ASB4: variants seen among roughly 807,000 people sequenced by gnomAD.
ASB4 encodes the protein ankyrin repeat and SOCS box protein 4.
A neutral mutation model predicts 38.6 loss-of-function variants in ASB4; 35 were observed. The observed-to-expected ratio is 0.91, with a 90% confidence interval of 0.69 to 1.20. The LOEUF (loss-of-function observed/expected upper bound fraction) is 1.20, where lower values mean the gene tolerates loss of function less well. Among genes scored for constraint, ASB4 ranks in the 50% most tolerant of loss-of-function variants. ASB4 has a pLI of 0.00. For synonymous variants in ASB4, 195 were observed against 201.3 expected (o/e 0.97, Z 0.26); for missense variants, 557 against 527.2 (o/e 1.06, Z -0.55).
At chr7:95,505,697 C>A (rs77594808) in intron 2 of ASB4, among the ~76,000 whole-genome samples, 13,694 of 141,864 alleles carry the variant, frequency 0.097, 787 homozygotes, top group South Asian at 0.13. Flanking sequence ...CCCCCCCCCC[C>A]CAAATACTTA....
chr7:95,524,533 G>A (rs1014557356), intron 2 of ASB4, among the ~76,000 whole-genome samples: 15 of 152,066 alleles, frequency 9.9e-5, no homozygotes, highest in African/African-American at 3.6e-4. Flanking sequence ...TATATACTAT[G>A]TAACGTATGT....
chr7:95,474,338 T>A (rs576525022), upstream of ASB4, among the ~76,000 whole-genome samples: 5 of 152,328 alleles, frequency 3.3e-5, no homozygotes, highest in East Asian at 9.6e-4. Context: ...CAGTTGATAA[T>A]AACTTGTGTG....
rs944695797 is a variant in ASB4 at position 95,515,646 on chromosome 7, C to T, written c.488-12167C>T. Among the ~76,000 whole-genome samples the T allele has an allele frequency of 2.0e-4, 30 of 152,264 alleles. No individual in the cohort carries two copies. In the Middle Eastern group the frequency reaches 0.01, roughly 52 times the overall value. ...GACCAGGATGGTCTCAATCTCTTGA[C>T]CTTGTGATCCCCCCGACCTTGGCCT... On this transcript the variant is annotated intron_variant, in intron 2 of 4. Transcript: ENST00000325885.
Position 95,495,767 on chromosome 7 carries a change from T to C in ASB4, c.197T>C (p.Leu66Ser), listed in dbSNP as rs1332407007. 1 of 1,595,406 alleles carries C rather than the reference T, an allele frequency of 6.3e-7. No individual in the cohort carries two copies. Among genetic ancestry groups the C allele is most frequent in the Non-Finnish European group, 8.6e-7 (1 of 1,169,434 alleles). ...TTTTTTTTTTTTTCAGGTTACTGGT[T>C]GCCTAGCTATAAATTGAAGTCTTCC... The part of the protein sequence containing the change: ...VLASYKQGYW[L>S]PSYKLKSSWA... The change falls in exon 2 of 5, where the codon TTG becomes TCG. Residue 66 changes from leucine (L) to serine (S), a missense_variant. Leu to Ser is a moderately radical substitution (Grantham distance 145). Transcript: ENST00000325885.
At chr7:95,476,640 G>T (rs1174874552), upstream of ASB4, among the ~76,000 whole-genome samples, 1 of 152,150 alleles carries the variant, frequency 6.6e-6, no homozygotes, top group African/African-American at 2.4e-5. Context: ...TCCATCTGTG[G>T]CTTCACGCCT....
At chr7:95,510,900 C>T (rs541966721) in intron 2 of ASB4, among the ~76,000 whole-genome samples, 23 of 152,268 alleles carry the variant, frequency 1.5e-4, no homozygotes, top group African/African-American at 4.3e-4. Flanking sequence ...TCTATCAGCA[C>T]TTTAATTTGT....
In ASB4 at chr7:95,527,810, TA is replaced by T. The variant is rs780619895; in HGVS notation, c.488-2del. Reference sequence around the variant, plus strand: ...AATTGTCTTCCTCAATTTCCCTTTATAGGGGCGAATGTGAACATGAAGACCA... The same window carrying T: ...AATTGTCTTCCTCAATTTCCCTTTATGGGGCGAATGTGAACATGAAGACCA... On this transcript the variant is annotated splice_acceptor_variant, in intron 2 of 4. Coordinates refer to ENST00000325885, the MANE Select transcript of ASB4 (RefSeq NM_016116.3). LOFTEE classifies it high-confidence loss of function. 1.3e-6 allele frequency: 2 copies of T among 1,590,450 alleles called. No homozygotes were observed. The highest frequency in any genetic ancestry group is 1.7e-6 in the Non-Finnish European group (2 of 1,162,680).
chr7:95,516,340 G>T (rs940279924), intron 2 of ASB4, among the ~76,000 whole-genome samples: 1 of 152,058 alleles, frequency 6.6e-6, no homozygotes, highest in Admixed American at 6.6e-5. Flanking sequence ...TTAATCAATG[G>T]TTTTTTGGAA....
At chr7:95,518,376 TA>T (rs1790614949) in intron 2 of ASB4, among the ~76,000 whole-genome samples, 1 of 152,202 alleles carries the variant, frequency 6.6e-6, no homozygotes. Flanking sequence ...AAGCCTCAGG[TA>T]GAGATGGCGA....
At position 95,539,336 on chromosome 7, in the gene ASB4, G is replaced by A. The variant is rs1790939570; in HGVS notation, c.*1577G>A. 2 of 152,182 alleles carry A rather than the reference G, an allele frequency of 1.3e-5. No homozygotes were observed. Among genetic ancestry groups the A allele is most frequent in the Admixed American group, 6.5e-5 (1 of 15,278 alleles). The allele number at this position is 152,182 out of a possible 1,614,324, so 9.4% of individuals were successfully genotyped here. On this transcript the variant is annotated 3_prime_UTR_variant, in exon 5 of 5. Transcript: ENST00000325885. ...AGTTGAGACTGTGCTTCTGAACTGG[G>A]ATTGTCTTACTCCCAGGGCTGTGTA...
At chr7:95,485,749 T>C (rs1790079669), upstream of ASB4, among the ~76,000 whole-genome samples, 1 of 152,198 alleles carries the variant, frequency 6.6e-6, no homozygotes, top group Non-Finnish European at 1.5e-5. Flanking sequence ...TATATATTAC[T>C]GAATGGATCA....
At chr7:95,503,965 C>T (rs1208274428) in intron 2 of ASB4, among the ~76,000 whole-genome samples, 1 of 152,168 alleles carries the variant, frequency 6.6e-6, no homozygotes, top group Non-Finnish European at 1.5e-5. Flanking sequence ...TGCCTTTCTA[C>T]TTAATGCCCC....
chr7:95,489,103 A>G (rs150860266), intron 1 of ASB4, among the ~76,000 whole-genome samples: 3 of 152,350 alleles, frequency 2.0e-5, no homozygotes, highest in African/African-American at 7.2e-5. Flanking sequence ...ATCTAAGCCT[A>G]TATGAAAGTC....
chr7:95,485,620 G>C (rs1363766310), upstream of ASB4, among the ~76,000 whole-genome samples: 1 of 151,882 alleles, frequency 6.6e-6, no homozygotes, highest in African/African-American at 2.4e-5. Flanking sequence ...TTTTATTGAG[G>C]GGAAAAAAAG....
chr7:95,495,813 C>G lies in ASB4; in HGVS notation c.243C>G (p.Leu81=), dbSNP rs758073916. ...LKSSWATGLH[L]SVLFGHVECL... ...CTTCCTGGGCCACAGGCCTCCATCT[C>G]TCTGTCTTGTTTGGCCATGTGGAAT... Residue 81 remains leucine (L), a synonymous_variant, in exon 2 of 5, where the codon CTC becomes CTG. Coordinates refer to ENST00000325885, the MANE Select transcript of ASB4 (RefSeq NM_016116.3). 2.5e-6 allele frequency: 4 copies of G among 1,612,676 alleles called. No individual in the cohort carries two copies. The South Asian group carries it at 3.3e-5, about 13-fold the overall frequency.
chr7:95,546,631 T>C, the ASB4 span, among the ~76,000 whole-genome samples: 1 of 152,210 alleles, frequency 6.6e-6, no homozygotes, highest in Admixed American at 6.5e-5. Context: ...TTCTTCTCAG[T>C]ACAGTGTAAG....
Position 95,528,285 on chromosome 7 carries a change from C to A in ASB4, c.960C>A (p.Tyr320Ter), listed in dbSNP as rs1372572712. 6.2e-7 allele frequency: 1 copy of A among 1,614,136 alleles called. No homozygotes were observed. The highest frequency in any genetic ancestry group is 8.5e-7 in the Non-Finnish European group (1 of 1,180,026). ...LLLNHGAARIYPPQFHKVIQA... is the reference protein window; with the variant it reads ...LLLNHGAARI ...TGAACCATGGGGCTGCCCGAATATA[C>A]CCTCCACAGTTCCATAAGGTGAGGC... is the stretch of plus-strand genomic sequence containing the variant. The change falls in exon 3 of 5, where the codon TAC becomes TAA. Residue 320 changes from tyrosine to a stop codon, truncating the protein, a stop_gained. Transcript: ENST00000325885. LOFTEE classifies it high-confidence loss of function.
chr7:95,545,883 G>A, the ASB4 span, among the ~76,000 whole-genome samples: 1 of 152,184 alleles, frequency 6.6e-6, no homozygotes, highest in African/African-American at 2.4e-5. Flanking sequence ...TGCCATCTGA[G>A]TCACAGGTGT....
rs1349027415 is a variant in ASB4, at chr7:95,539,539, A to G, written c.*1780A>G. 6.5e-6 allele frequency: 1 copy of G among 152,958 alleles called. No individual in the cohort carries two copies. The highest frequency in any genetic ancestry group is 2.4e-5 in the African/African-American group (1 of 41,492). The allele number at this position is 152,958 out of a possible 1,614,324, so 9.5% of individuals were successfully genotyped here. On this transcript the variant is annotated 3_prime_UTR_variant, in exon 5 of 5. Transcript: ENST00000325885. Reference sequence around the variant, plus strand: ...AAATAGTTTGCTTGCAGCAAGTGGTATTAGAACACATCCTAAAACAGAATG... The same window carrying G: ...AAATAGTTTGCTTGCAGCAAGTGGTGTTAGAACACATCCTAAAACAGAATG...
Sources: gnomAD v4.1 joint callset for allele counts (sites outside exome capture counted in the v4.1 genomes callset) on GRCh38, gnomAD v4.1.1 for gene constraint, MANE v1.5 for transcripts, NCBI Gene and HGNC (gene_info 2026-07-23, HGNC 2026-07-21) for gene names.